TANC1: variants seen among roughly 807,000 people sequenced by gnomAD.
TANC1 encodes the protein protein TANC1.
A neutral mutation model predicts 149.7 loss-of-function variants in TANC1; 77 were observed. That is an observed-to-expected ratio of 0.51 (90% CI 0.43 to 0.62). The LOEUF is 0.62. TANC1 is among the 20% of genes least tolerant of loss of function. The probability of loss-of-function intolerance (pLI) is 0.00; values close to 1 mark genes in which losing one functional copy is unlikely to be tolerated. For synonymous variants in TANC1, 854 were observed against 925.0 expected (o/e 0.92, Z 1.39); for missense variants, 1,985 against 2,321.8 (o/e 0.85, Z 2.98).
chr2:159,038,920 G>T (rs2040409799), intron 2 of TANC1, among the ~76,000 whole-genome samples: 1 of 152,148 alleles, frequency 6.6e-6, no homozygotes. Context: ...GTTTCAGAAG[G>T]AATGGTACCA....
In TANC1 at chr2:159,232,003, A is replaced by G. The variant is rs764219052; in HGVS notation, c.*991A>G. The G allele has an allele frequency of 9.2e-5, 14 of 152,652 alleles. No individual in the cohort carries two copies. Among genetic ancestry groups the G allele is most frequent in the African/African-American group, 3.1e-4 (13 of 41,468 alleles). The allele number at this position is 152,652 out of a possible 1,614,324, so 9.5% of individuals were successfully genotyped here. On this transcript the variant is annotated 3_prime_UTR_variant, in exon 27 of 27. Transcript: ENST00000263635. Reference sequence around the variant, plus strand: ...CAGACTTGTAAATAGAACTATTTCAATGTAGTTAATCTAAAAACAAAAAAG... The same window carrying G: ...CAGACTTGTAAATAGAACTATTTCAGTGTAGTTAATCTAAAAACAAAAAAG...
intron 1 of TANC1, among the ~76,000 whole-genome samples, chr2:158,976,664 T>A (rs1280846383): frequency 2.0e-5 from 3 of 152,176 alleles, no homozygotes; most frequent in African/African-American, 7.2e-5. Context: ...GCAGATCACC[T>A]GAGGTCAGGA....
intron 3 of TANC1, among the ~76,000 whole-genome samples, chr2:159,086,179 A>C (rs546971090): frequency 1.3e-5 from 2 of 151,884 alleles, no homozygotes; most frequent in South Asian, 2.1e-4. Flanking sequence ...AAAAATGTGG[A>C]GTTCTCTGTT....
At chr2:159,030,324 C>A (rs264604) in intron 2 of TANC1, among the ~76,000 whole-genome samples, 3 of 152,018 alleles carry the variant, frequency 2.0e-5, no homozygotes, top group Admixed American at 1.3e-4. Flanking sequence ...AATCTTTGAC[C>A]AGAAAATGAA....
intron 7 of TANC1, among the ~76,000 whole-genome samples, chr2:159,161,315 CA>C (rs2054026115): frequency 6.6e-6 from 1 of 152,166 alleles, no homozygotes; most frequent in African/African-American, 2.4e-5. Context: ...AAAATAAAAC[CA>C]AACAAATCCC....
At position 159,216,660 on chromosome 2, in the gene TANC1, C is replaced by A. The variant is rs536563097; in HGVS notation, c.3245-837C>A. Among the ~76,000 whole-genome samples, 13 of 152,262 alleles carry A rather than the reference C, an allele frequency of 8.5e-5. No homozygotes were observed. In the East Asian group the frequency reaches 2.3e-3, roughly 27 times the overall value. ...GTACCCCGCCTCGTTGTCCTTTCTC[C>A]TTGCATGCCATTTTTCTTTCATCCT... is the stretch of plus-strand genomic sequence containing the variant. On this transcript the variant is annotated intron_variant, in intron 19 of 26. Transcript: ENST00000263635.
chr2:159,134,908 G>A (rs1446372759), intron 4 of TANC1, among the ~76,000 whole-genome samples: 1 of 152,102 alleles, frequency 6.6e-6, no homozygotes, highest in African/African-American at 2.4e-5. Context: ...GTGAGCCACC[G>A]TGCCTAGCCT....
In TANC1 at chr2:159,178,599, A is replaced by G; in HGVS notation, c.1946A>G (p.Asp649Gly). The change falls in exon 14 of 27, where the codon GAC becomes GGC. Residue 649 changes from aspartate (D) to glycine (G), a missense_variant. Physicochemically the swap from Asp to Gly is moderately conservative, Grantham distance 94. Transcript: ENST00000263635. ...ALPFVKLSLD[D>G]FPDNKDIHSD... Reference sequence around the variant, plus strand: ...CCATTTGTCAAGCTTTCCTTAGATGACTTCCCAGACAACAAAGACATCCAC... The same window carrying G: ...CCATTTGTCAAGCTTTCCTTAGATGGCTTCCCAGACAACAAAGACATCCAC... 9 of 1,602,294 alleles carry G rather than the reference A, an allele frequency of 5.6e-6. No individual in the cohort carries two copies. The highest frequency in any genetic ancestry group is 7.7e-6 in the Non-Finnish European group (9 of 1,175,416).
rs751683513 is a variant in TANC1 at position 159,163,435 on chromosome 2, G to A, written c.835G>A (p.Gly279Arg). 5.0e-6 allele frequency: 8 copies of A among 1,614,034 alleles called. No homozygotes were observed. The highest frequency in any genetic ancestry group is 2.2e-5 in the East Asian group (1 of 44,900). The change falls in exon 8 of 27, where the codon GGG becomes AGG. Residue 279 changes from glycine (G) to arginine (R), a missense_variant. By Grantham distance (125) the Gly-to-Arg change is moderately radical. Around this residue, in one of 3 missense-constraint regions of TANC1, gnomAD observed 557 missense variants for 612.9 expected, o/e 0.91. Transcript: ENST00000263635. ...CCCAGTGGCAGAAGAGGAGACCACC[G>A]GGTCAGCAGAGAGCACGCTGCCCAA... ...CSPVAEEETT[G>R]SAESTLPKAE...
chr2:159,056,799 G>A, intron 2 of TANC1: 1 of 344,298 alleles, frequency 2.9e-6, no homozygotes. Flanking sequence ...CATGAAGTTG[G>A]GCAGATTAGG....
intron 1 of TANC1, among the ~76,000 whole-genome samples, chr2:158,981,610 G>T (rs1182764545): frequency 6.9e-6 from 1 of 144,160 alleles, no homozygotes; most frequent in Non-Finnish European, 1.5e-5. Context: ...AAGTTGAATT[G>T]ATTCCAGGTG....
intron 4 of TANC1, among the ~76,000 whole-genome samples, chr2:159,115,808 G>A (rs924896746): frequency 5.9e-5 from 9 of 152,100 alleles, no homozygotes; most frequent in Admixed American, 3.3e-4. Flanking sequence ...TATTTCCAAG[G>A]TGGGCATTAT....
intron 4 of TANC1, among the ~76,000 whole-genome samples, chr2:159,108,597 C>G (rs1393107949): frequency 6.6e-6 from 1 of 152,198 alleles, no homozygotes; most frequent in Non-Finnish European, 1.5e-5. Context: ...ATATCTAGTG[C>G]TAATGAGCAC....
At chr2:159,213,172 C>T (rs796900654) in intron 19 of TANC1, among the ~76,000 whole-genome samples, 32 of 152,186 alleles carry the variant, frequency 2.1e-4, no homozygotes, top group African/African-American at 7.7e-4. Flanking sequence ...TGCAGTCTCT[C>T]AAAATAATCA....
In TANC1 at chr2:159,170,434, A is replaced by AT. The variant is rs201367058; in HGVS notation, c.1070-87dup. The AT allele has an allele frequency of 3.1e-4, 387 of 1,231,590 alleles. 1 individual carries two copies. In the East Asian group the frequency reaches 8.4e-3, roughly 27 times the overall value. 76.3% of individuals were successfully genotyped at this position (1,231,590 alleles called of 1,614,324 possible). A position where few individuals can be genotyped will look rare whatever the true frequency, so the allele number is the denominator to read the frequency against. ...GATCCTAGTGGGGGTAAAGCTAAGG[A>AT]TTTAGTGTAACACACAAGCAATAAT... On this transcript the variant is annotated intron_variant, in intron 9 of 26. Coordinates refer to ENST00000263635, the MANE Select transcript of TANC1 (RefSeq NM_033394.3).
At chr2:159,183,884 C>G (rs2056729109) in intron 14 of TANC1, among the ~76,000 whole-genome samples, 1 of 152,134 alleles carries the variant, frequency 6.6e-6, no homozygotes. Context: ...AACTGACTTG[C>G]ATATCGTTTG....
chr2:159,121,813 A>C (rs1052310864), intron 4 of TANC1, among the ~76,000 whole-genome samples: 7 of 152,350 alleles, frequency 4.6e-5, no homozygotes, highest in Admixed American at 3.3e-4. Context: ...TAGTCAATAG[A>C]AAGTCAAGAG....
At chr2:159,036,695 T>C (rs1388154140) in intron 2 of TANC1, among the ~76,000 whole-genome samples, 1 of 152,242 alleles carries the variant, frequency 6.6e-6, no homozygotes, top group Non-Finnish European at 1.5e-5. Flanking sequence ...GAACTCATCC[T>C]TTTTTATGGC....
At position 159,194,264 on chromosome 2, in the gene TANC1, G is replaced by A. The variant is rs778915555; in HGVS notation, c.2750G>A (p.Arg917His). 1.4e-5 allele frequency: 23 copies of A among 1,613,060 alleles called. No homozygotes were observed. Among genetic ancestry groups the A allele is most frequent in the East Asian group, 4.5e-5 (2 of 44,876 alleles). The change falls in exon 17 of 27, where the codon CGT (arginine) becomes CAT (histidine). Residue 917 changes from arginine (R) to histidine (H), a missense_variant. Physicochemically the swap from Arg to His is conservative, Grantham distance 29. This residue lies in a region of TANC1 where 508 missense variants were observed against 714.2 expected (regional missense o/e 0.71). Transcript: ENST00000263635. ...NLYTPNVKVS[R>H]LLILGGANVN... ...GGGGGCCTTGTCCAACAGGTGAGCC[G>A]TCTCCTGATTTTGGGAGGGGCCAAC...
Sources: gnomAD v4.1 joint callset for allele counts (sites outside exome capture counted in the v4.1 genomes callset) on GRCh38, gnomAD v4.1.1 for gene constraint, gnomAD v4.1.1 regional missense constraint, MANE v1.5 for transcripts, NCBI Gene and HGNC (gene_info 2026-07-23, HGNC 2026-07-21) for gene names.